USP9Y: variants seen among roughly 807,000 people sequenced by gnomAD.
The protein encoded by USP9Y is ubiquitin carboxyl-terminal hydrolase 9Y.
Under a neutral mutation model 53.1 loss-of-function variants are expected in USP9Y, and 41 were observed. The ratio of observed to expected loss-of-function variants is 0.77; its 90% CI spans 0.60 to 1.00. USP9Y has a LOEUF of 1.00. Ranked by LOEUF, USP9Y falls within the 50% of genes least tolerant of loss-of-function variation. USP9Y has a pLI of 0.00. For synonymous variants in USP9Y, 220 were observed against 173.7 expected, an observed-to-expected ratio of 1.27 and a Z score of -2.09; for missense variants, 567 against 535.8, an observed-to-expected ratio of 1.06 and a Z score of -0.58.
Position 12,773,602 on chromosome Y carries a change from C to G in USP9Y, c.2008C>G (p.Gln670Glu). 2.5e-6 allele frequency: 1 copy of G among 398,374 alleles called. No individual in the cohort carries two copies. The highest frequency in any genetic ancestry group is 3.5e-6 in the Non-Finnish European group (1 of 283,328). The change falls in exon 17 of 46, where the codon CAA becomes GAA. Residue 670 changes from glutamine (Q) to glutamate (E), a missense_variant. Transcript: ENST00000338981. ...TCCAAGATTTTTACTGAAGGATGGC[C>G]AACTGTGGCTCTGTGCTCCTCAGGC... Reference protein sequence around the residue: ...NFLRFLLKDGQLWLCAPQAKQ... With the variant: ...NFLRFLLKDGELWLCAPQAKQ...
intron 39 of USP9Y, among the ~76,000 whole-genome samples, chrY:12,845,773 G>T: frequency 3.1e-5 from 1 of 32,671 alleles, no homozygotes; most frequent in Non-Finnish European, 7.5e-5. Flanking sequence ...TCACTGCAAC[G>T]TCCGCCTCCT....
At chrY:12,756,953 G>A in intron 12 of USP9Y, among the ~76,000 whole-genome samples, 1 of 33,417 alleles carries the variant, frequency 3.0e-5, no homozygotes, top group Non-Finnish European at 7.4e-5. Flanking sequence ...AAGTAACAAA[G>A]TTTATATTGG....
At chrY:12,815,948 G>A (rs1044718053) in intron 31 of USP9Y, among the ~76,000 whole-genome samples, 176 bp from the exon 32 acceptor site, 10 of 34,203 alleles carry the variant, frequency 2.9e-4, no homozygotes, top group Admixed American at 1.8e-3. Flanking sequence ...AACTTAACAA[G>A]GTCTGTAGTT....
chrY:12,855,404 G>A, intron 42 of USP9Y, among the ~76,000 whole-genome samples: 1 of 32,627 alleles, frequency 3.1e-5, no homozygotes, highest in East Asian at 8.1e-4. Context: ...TAGAGACAGG[G>A]TTTCACCATG....
intron 27 of USP9Y, among the ~76,000 whole-genome samples, chrY:12,798,836 G>A (rs2053515945): frequency 3.3e-5 from 1 of 30,737 alleles, no homozygotes; most frequent in African/African-American, 1.3e-4. Flanking sequence ...TTTACATAGT[G>A]TGTGAGGAAG....
chrY:12,811,259 C>G (rs569340115), intron 29 of USP9Y, among the ~76,000 whole-genome samples: 7 of 33,648 alleles, frequency 2.1e-4, no homozygotes, highest in African/African-American at 8.1e-4. Flanking sequence ...TTAGCTGCTT[C>G]TAGTAGATTA....
Position 12,779,548 on chromosome Y carries a change from A to T in USP9Y, c.3053A>T (p.Tyr1018Phe). The part of the protein sequence containing the change: ...PGVIMSVHPR[Y>F]ISFLWQVADL... ...TAGATAATGTCAGTGCATCCCAGAT[A>T]CATCTCTTTCCTTTGGCAAGTTGCA... is the stretch of plus-strand genomic sequence containing the variant. The change falls in exon 22 of 46, where the codon TAC (tyrosine) becomes TTC (phenylalanine). Residue 1018 changes from tyrosine to phenylalanine, a missense_variant. Tyr to Phe is a conservative substitution (Grantham distance 22). Coordinates refer to ENST00000338981, the MANE Select transcript of USP9Y (RefSeq NM_004654.4). 5.0e-6 allele frequency: 2 copies of T among 396,938 alleles called. No homozygotes were observed. The highest frequency in any genetic ancestry group is 7.1e-6 in the Non-Finnish European group (2 of 281,963).
At chrY:12,819,029 A>G in intron 33 of USP9Y, among the ~76,000 whole-genome samples, 1 of 32,928 alleles carries the variant, frequency 3.0e-5, no homozygotes, top group Admixed American at 2.8e-4. Flanking sequence ...AAACTACAAA[A>G]TTTGCCGGGT....
At chrY:12,753,012 C>T (rs2148283333) in intron 12 of USP9Y, among the ~76,000 whole-genome samples, 1 of 32,796 alleles carries the variant, frequency 3.0e-5, no homozygotes, top group South Asian at 7.0e-4. Context: ...GGTCTCACTC[C>T]GTCACCCAGG....
chrY:12,830,973 G>A (rs2053550281), intron 33 of USP9Y, among the ~76,000 whole-genome samples: 7 of 33,495 alleles, frequency 2.1e-4, no homozygotes, highest in Admixed American at 1.9e-3. Context: ...CATTTATATA[G>A]CCATCAAAAA....
chrY:12,790,475 A>T lies in USP9Y; in HGVS notation c.3630A>T (p.Ser1210=). Residue 1210 remains serine (S), a synonymous_variant, in exon 25 of 46, where the codon TCA becomes TCT. Coordinates refer to ENST00000338981, the MANE Select transcript of USP9Y (RefSeq NM_004654.4). ...QSALQSIPNP[S]SECVLRNESI... is the part of the protein sequence containing the mutation. ...CCCTTCAGAGCATTCCTAATCCCTC[A>T]TCCGAGTGCGTACTTAGAAATGAGT... 2.5e-6 allele frequency: 1 copy of T among 392,962 alleles called. No homozygotes were observed. Among genetic ancestry groups the T allele is most frequent in the Admixed American group, 7.6e-5 (1 of 13,127 alleles).
intron 27 of USP9Y, among the ~76,000 whole-genome samples, chrY:12,800,434 G>GT (rs2053518053): frequency 3.0e-5 from 1 of 33,715 alleles, no homozygotes; most frequent in Non-Finnish European, 7.3e-5. Context: ...GGAAAGAAGA[G>GT]TGAGTGGCTG....
At chrY:12,820,104 T>C (rs2053539809) in intron 33 of USP9Y, among the ~76,000 whole-genome samples, 1 of 32,444 alleles carries the variant, frequency 3.1e-5, no homozygotes, top group Non-Finnish European at 7.6e-5. Flanking sequence ...AGGGAGACCC[T>C]ATCTCAAAAA....
Position 12,810,690 on chromosome Y carries a change from G to A in USP9Y, c.4111G>A (p.Gly1371Ser). ...TILGSTAREK[G>S]KYSGDYFTLL... ...ATTTCAGAGCACAGCAAGAGAGAAG[G>A]GTAAATATTCAGGTGATTATTTCAC... is the stretch of plus-strand genomic sequence containing the variant. The change falls in exon 29 of 46, where the codon GGT (glycine) becomes AGT (serine). Residue 1371 changes from glycine (G) to serine (S), a missense_variant. Gly to Ser is a moderately conservative substitution (Grantham distance 56). Transcript: ENST00000338981. 2.5e-6 allele frequency: 1 copy of A among 396,143 alleles called. No homozygotes were observed. The highest frequency in any genetic ancestry group is 3.5e-6 in the Non-Finnish European group (1 of 281,905).
chrY:12,843,049 T>C lies in USP9Y; in HGVS notation c.6439-15T>C. On this transcript the variant is annotated splice_polypyrimidine_tract_variant and intron_variant, in intron 38 of 45. Transcript: ENST00000338981. ...GCATCTTGATGCTGATAAAATAATA[T>C]TTCATTTTTCACAGGCATGTGATAA... 2.5e-6 allele frequency: 1 copy of C among 396,189 alleles called. No homozygotes were observed. Among genetic ancestry groups the C allele is most frequent in the African/African-American group, 6.1e-5 (1 of 16,347 alleles).
chrY:12,748,207 A>G (rs2053461912), intron 12 of USP9Y, among the ~76,000 whole-genome samples: 1 of 33,419 alleles, frequency 3.0e-5, no homozygotes. Flanking sequence ...ATTGACCTCT[A>G]GCACTAGCAA....
chrY:12,706,553 T>G, intron 1 of USP9Y, among the ~76,000 whole-genome samples: 1 of 33,259 alleles, frequency 3.0e-5, no homozygotes, highest in Non-Finnish European at 7.4e-5. Context: ...GGAACAGACA[T>G]GAGCAAGTTT....
chrY:12,819,575 T>C lies in USP9Y; in HGVS notation c.5021+965T>C, dbSNP rs919868368. 1.3e-4 allele frequency among the ~76,000 whole-genome samples: 4 copies of C among 31,190 alleles called. No homozygotes were observed. In the East Asian group the frequency reaches 3.3e-3, roughly 26 times the overall value. 83.7% of individuals were successfully genotyped at this position (31,190 alleles called of 37,273 possible). On this transcript the variant is annotated intron_variant, in intron 33 of 45. Coordinates refer to ENST00000338981, the MANE Select transcript of USP9Y (RefSeq NM_004654.4). ...GGAGCAGTGTTGATCCCTGAGGTGA[T>C]GTATCATAATCACCTTGAAGACCAG...
chrY:12,811,001 T>C (rs2053530186), intron 29 of USP9Y, among the ~76,000 whole-genome samples, 183 bp downstream of exon 29: 1 of 34,031 alleles, frequency 2.9e-5, no homozygotes, highest in Admixed American at 2.7e-4. Context: ...ATTGGTAACT[T>C]AGATTCATAG....
Sources: allele counts gnomAD v4.1 joint callset (sites outside exome capture counted in the v4.1 genomes callset), GRCh38; gene constraint gnomAD v4.1.1; transcripts MANE v1.5; gene names NCBI Gene and HGNC (gene_info 2026-07-23, HGNC 2026-07-21).